The following DMRT1 variants were observed in gnomAD, a reference collection of about 807,000 sequenced individuals.
DMRT1 encodes doublesex and mab-3 related transcription factor 1.
A neutral mutation model predicts 32.3 loss-of-function variants in DMRT1; 7 were observed. The ratio of observed to expected loss-of-function variants is 0.22; its 90% CI spans 0.12 to 0.41. The LOEUF (loss-of-function observed/expected upper bound fraction) is 0.41, where lower values mean the gene tolerates loss of function less well. DMRT1 is among the 10% of genes least tolerant of loss of function. DMRT1 has a pLI of 1.00. For missense variants in DMRT1, 625 were observed against 500.5 expected (o/e 1.25, Z -2.37); for synonymous variants, 278 against 206.1 (o/e 1.35, Z -2.99).
At position 844,205 on chromosome 9, in the gene DMRT1, A is replaced by G. The variant is rs1323272; in HGVS notation, c.354+2013A>G. Among the ~76,000 whole-genome samples the G allele has an allele frequency of 3.6e-3, 542 of 152,280 alleles. 2 individuals are homozygous for G. The highest frequency in any genetic ancestry group is 0.012 in the African/African-American group (509 of 41,558). On this transcript the variant is annotated intron_variant, in intron 1 of 4. Coordinates refer to ENST00000382276, the MANE Select transcript of DMRT1 (RefSeq NM_021951.3). ...AACTCAAGGTCACTTAGAATGGGAAACTTCAGTATTTTCTACACCAGAAGG... is the reference window on the plus strand; with the variant it reads ...AACTCAAGGTCACTTAGAATGGGAAGCTTCAGTATTTTCTACACCAGAAGG...
At chr9:866,681 T>C (rs1370842879) in intron 2 of DMRT1, among the ~76,000 whole-genome samples, 1 of 152,116 alleles carries the variant, frequency 6.6e-6, no homozygotes, top group Admixed American at 6.5e-5. Context: ...GCGGAAGCAA[T>C]GTATGTACAC....
chr9:876,164 C>T (rs775491003), intron 2 of DMRT1, among the ~76,000 whole-genome samples: 53 of 152,264 alleles, frequency 3.5e-4, no homozygotes, highest in Non-Finnish European at 4.3e-4. Context: ...TTGTGTATAT[C>T]CTTTGAGAAC....
At chr9:865,294 G>A (rs981525841) in intron 2 of DMRT1, among the ~76,000 whole-genome samples, 3 of 152,078 alleles carry the variant, frequency 2.0e-5, no homozygotes, top group African/African-American at 7.2e-5. Context: ...ACCTGGCTCA[G>A]TTTCTTACCA....
chr9:864,100 C>G (rs374971498), intron 2 of DMRT1, among the ~76,000 whole-genome samples: 1 of 152,168 alleles, frequency 6.6e-6, no homozygotes, highest in Non-Finnish European at 1.5e-5. Flanking sequence ...AAGCCTGTAA[C>G]TTTTCCACTT....
chr9:843,747 A>C (rs1838789874), intron 1 of DMRT1, among the ~76,000 whole-genome samples: 2 of 152,246 alleles, frequency 1.3e-5, no homozygotes. Flanking sequence ...TTGATTAGGA[A>C]CGTGTAAATA....
chr9:889,127 G>C (rs1031690652), intron 2 of DMRT1, among the ~76,000 whole-genome samples: 1 of 152,144 alleles, frequency 6.6e-6, no homozygotes, highest in African/African-American at 2.4e-5. Flanking sequence ...ACCACACTGT[G>C]CGAACCATTG....
rs1409712545 is a variant in DMRT1, at chr9:965,989, A to AT, written c.968-1995dup. Among the ~76,000 whole-genome samples, 1 of 152,182 alleles carries AT rather than the reference A, an allele frequency of 6.6e-6. No homozygotes were observed. Among genetic ancestry groups the AT allele is most frequent in the Non-Finnish European group, 1.5e-5 (1 of 68,038 alleles). On this transcript the variant is annotated intron_variant, in intron 4 of 4. Transcript: ENST00000382276. This position sits in a 1 kb window ranked among gnomAD's most constrained non-coding sequence, Gnocchi z 4.5. Reference sequence around the variant, plus strand: ...TTTACTGTTCTTCTCCATAGCTTCTATACAGAGAAACTTCTGTCACTGGTT... The same window carrying AT: ...TTTACTGTTCTTCTCCATAGCTTCTATTACAGAGAAACTTCTGTCACTGGTT...
intron 4 of DMRT1, among the ~76,000 whole-genome samples, chr9:942,440 A>G (rs1819106874): frequency 6.6e-6 from 1 of 151,958 alleles, no homozygotes; most frequent in South Asian, 2.1e-4. Context: ...CACCCAGCTA[A>G]TTTTTAATAT....
At chr9:879,089 C>T (rs1816627367) in intron 2 of DMRT1, among the ~76,000 whole-genome samples, 1 of 152,124 alleles carries the variant, frequency 6.6e-6, no homozygotes, top group Non-Finnish European at 1.5e-5. Context: ...AATAACACAA[C>T]CCTGAGAGCC....
chr9:845,241 G>C (rs893169917), intron 1 of DMRT1, among the ~76,000 whole-genome samples: 6 of 151,790 alleles, frequency 4.0e-5, no homozygotes, highest in African/African-American at 1.2e-4. Flanking sequence ...ACGGAGTCTT[G>C]CTCCATTGCC....
intron 1 of DMRT1, chr9:842,603 AGAT>A (rs1156556801): frequency 6.0e-6 from 1 of 167,134 alleles, no homozygotes; most frequent in Non-Finnish European, 1.3e-5. Context: ...GGTTGTGGAG[AGAT>A]GCGGCGGTAC....
chr9:952,738 C>G (rs1254414618), intron 4 of DMRT1, among the ~76,000 whole-genome samples: 2 of 152,102 alleles, frequency 1.3e-5, no homozygotes, highest in African/African-American at 4.8e-5. Context: ...TGAAGATGAA[C>G]CAAGTGTGAA....
At chr9:908,566 T>A (rs1019634847) in intron 3 of DMRT1, among the ~76,000 whole-genome samples, 13 of 152,210 alleles carry the variant, frequency 8.5e-5, no homozygotes, top group South Asian at 4.1e-4. Context: ...CAATTTTGGT[T>A]CTGTTTTTCC....
chr9:844,272 A>G (rs1838809320), intron 1 of DMRT1, among the ~76,000 whole-genome samples: 1 of 152,144 alleles, frequency 6.6e-6, no homozygotes, highest in Admixed American at 6.6e-5. Flanking sequence ...CCATAAAACA[A>G]CTACTTCTAG....
chr9:966,232 G>A (rs1048742332), intron 4 of DMRT1, among the ~76,000 whole-genome samples: 2 of 152,124 alleles, frequency 1.3e-5, no homozygotes, highest in African/African-American at 4.8e-5. Context: ...ATACTTTTAT[G>A]AACTGTAATA....
At position 949,125 on chromosome 9, in the gene DMRT1, C is replaced by G. The variant is rs575232542; in HGVS notation, c.968-18860C>G. Among the ~76,000 whole-genome samples, 44 of 151,986 alleles carry G rather than the reference C, an allele frequency of 2.9e-4. 3 individuals carry two copies. In the South Asian group the frequency reaches 8.8e-3, roughly 30 times the overall value. The stretch of plus-strand genomic sequence containing the variant: ...AAAACAAAACAAAAACACACACTTG[C>G]CAGGTGCAGTGTCTCACACCTGTAA... On this transcript the variant is annotated intron_variant, in intron 4 of 4. Coordinates refer to ENST00000382276, the MANE Select transcript of DMRT1 (RefSeq NM_021951.3).
rs1011379921 is a variant in DMRT1, at chr9:848,492, T to C, written c.538+1349T>C. Among the ~76,000 whole-genome samples, 3 of 152,100 alleles carry C rather than the reference T, an allele frequency of 2.0e-5. No homozygotes were observed. In the East Asian group the frequency reaches 5.8e-4, roughly 29 times the overall value. ...AGAGGTCAAGATACTCTTTTTTCTT[T>C]GCTTGGATTGGCTGCTCATAGTATG... is the stretch of plus-strand genomic sequence containing the variant. On this transcript the variant is annotated intron_variant, in intron 2 of 4. Transcript: ENST00000382276.
intron 2 of DMRT1, among the ~76,000 whole-genome samples, chr9:873,546 C>G (rs1816366821): frequency 1.3e-5 from 2 of 151,818 alleles, no homozygotes; most frequent in African/African-American, 4.8e-5. Context: ...CTCGAACTCC[C>G]GACCTCAGGT....
chr9:851,425 G>T (rs530020687), intron 2 of DMRT1, among the ~76,000 whole-genome samples: 1 of 147,450 alleles, frequency 6.8e-6, no homozygotes, highest in African/African-American at 2.5e-5. Flanking sequence ...TTTTAGTAGA[G>T]ACAGAGTTTC....
Sources: gnomAD v4.1 joint callset for allele counts (sites outside exome capture counted in the v4.1 genomes callset) on GRCh38, gnomAD v4.1.1 for gene constraint, Gnocchi (gnomAD v3.1) non-coding constraint, MANE v1.5 for transcripts, NCBI Gene and HGNC (gene_info 2026-07-23, HGNC 2026-07-21) for gene names.